NECAB1: variants seen among roughly 807,000 people sequenced by gnomAD.
NECAB1 encodes the protein N-terminal EF-hand calcium-binding protein 1.
Under a neutral mutation model 57.5 loss-of-function variants are expected in NECAB1, and 29 were observed. That is an observed-to-expected ratio of 0.50 (90% confidence interval 0.38 to 0.69). The LOEUF (loss-of-function observed/expected upper bound fraction) is 0.69, where lower values mean the gene tolerates loss of function less well. Ranked by LOEUF, NECAB1 falls within the 30% of genes least tolerant of loss-of-function variation. NECAB1 has a pLI of 0.00. For missense variants in NECAB1, 372 were observed against 413.8 expected (o/e 0.90, Z 0.88); for synonymous variants, 142 against 147.7 (o/e 0.96, Z 0.28).
chr8:90,892,266 G>GTT (rs35255444), intron 5 of NECAB1, among the ~76,000 whole-genome samples: 1 of 151,854 alleles, frequency 6.6e-6, no homozygotes, highest in African/African-American at 2.4e-5. Context: ...TAATACATAG[G>GTT]TTTTTTCTCT....
rs1187590269 is a variant in NECAB1 at position 90,917,531 on chromosome 8, A to G, written c.397A>G (p.Arg133Gly). ...EASNLEQFVT[R>G]FLLKETLNQL... Reference sequence around the variant, plus strand: ...CTCCAATTTGGAACAATTCGTAACTAGATTTTTATTGAAGGAAACCCTGAA... The same window carrying G: ...CTCCAATTTGGAACAATTCGTAACTGGATTTTTATTGAAGGAAACCCTGAA... The change falls in exon 6 of 13, where the codon AGA (arginine) becomes GGA (glycine). Residue 133 changes from arginine (R) to glycine (G), a missense_variant. Coordinates refer to ENST00000417640, the MANE Select transcript of NECAB1 (RefSeq NM_022351.5). 5 of 1,612,246 alleles carry G rather than the reference A, an allele frequency of 3.1e-6. No homozygotes were observed. The highest frequency in any genetic ancestry group is 2.2e-5 in the East Asian group (1 of 44,820).
chr8:90,857,151 A>G (rs1021738515), intron 3 of NECAB1, among the ~76,000 whole-genome samples: 5 of 152,162 alleles, frequency 3.3e-5, no homozygotes, highest in African/African-American at 1.2e-4. Flanking sequence ...GCTTTAGAAC[A>G]GGAAAGAAAG....
chr8:90,792,640 T>C (rs1811595308), intron 1 of NECAB1, among the ~76,000 whole-genome samples: 1 of 152,242 alleles, frequency 6.6e-6, no homozygotes, highest in Non-Finnish European at 1.5e-5. Flanking sequence ...ATTTTCCCTT[T>C]GGTCCAATTT....
intron 3 of NECAB1, among the ~76,000 whole-genome samples, chr8:90,826,967 C>G (rs1586043487): frequency 6.6e-6 from 1 of 151,742 alleles, no homozygotes; most frequent in Non-Finnish European, 1.5e-5. Flanking sequence ...TAATTTGGAG[C>G]TAAAGTGTAT....
intron 10 of NECAB1, among the ~76,000 whole-genome samples, chr8:90,948,743 G>C (rs1810862782): frequency 6.6e-6 from 1 of 151,890 alleles, no homozygotes; most frequent in African/African-American, 2.4e-5. Context: ...AATTAATTTG[G>C]GTCTTCATCA....
intron 4 of NECAB1, among the ~76,000 whole-genome samples, chr8:90,880,089 T>C (rs1367919840): frequency 6.6e-6 from 1 of 152,162 alleles, no homozygotes; most frequent in Admixed American, 6.5e-5. Context: ...TTTCCTAGAG[T>C]ATTAAATAAA....
chr8:90,919,434 A>C (rs1810052694), intron 6 of NECAB1, among the ~76,000 whole-genome samples: 1 of 152,172 alleles, frequency 6.6e-6, no homozygotes, highest in Non-Finnish European at 1.5e-5. Context: ...AAATAGTGGA[A>C]TTTTCAACCA....
intron 6 of NECAB1, among the ~76,000 whole-genome samples, chr8:90,923,407 C>T (rs570508267): frequency 7.9e-5 from 12 of 152,184 alleles, no homozygotes; most frequent in Non-Finnish European, 1.6e-4. Context: ...TTGGGGCGTG[C>T]TTCTTTGAGG....
intron 3 of NECAB1, among the ~76,000 whole-genome samples, chr8:90,862,411 T>C (rs1808419547): frequency 6.6e-6 from 1 of 152,100 alleles, no homozygotes; most frequent in Admixed American, 6.6e-5. Context: ...GTATTACCCA[T>C]TTAAACACAG....
chr8:90,821,039 T>C (rs1483992273), intron 2 of NECAB1, among the ~76,000 whole-genome samples: 1 of 151,874 alleles, frequency 6.6e-6, no homozygotes, highest in East Asian at 1.9e-4. Context: ...TTCTTCCTTG[T>C]TGTAGGCATT....
At chr8:90,947,784 T>A (rs1363333795) in intron 10 of NECAB1, among the ~76,000 whole-genome samples, 1 of 152,212 alleles carries the variant, frequency 6.6e-6, no homozygotes, top group Admixed American at 6.5e-5. Context: ...GGAATCAAGG[T>A]GGCACAGCTA....
intron 2 of NECAB1, 109 bp from the exon 3 acceptor site, chr8:90,824,608 G>T: frequency 9.2e-6 from 5 of 540,858 alleles, no homozygotes; most frequent in South Asian, 8.0e-5. Context: ...CTTTCTTTTT[G>T]AGTACACGTG....
chr8:90,820,473 T>C (rs954794264), intron 2 of NECAB1, among the ~76,000 whole-genome samples: 3 of 151,930 alleles, frequency 2.0e-5, no homozygotes, highest in African/African-American at 7.2e-5. Flanking sequence ...TTCATTTTGA[T>C]AAACTACAAT....
At chr8:90,798,940 C>T (rs574170317) in intron 1 of NECAB1, among the ~76,000 whole-genome samples, 10 of 152,280 alleles carry the variant, frequency 6.6e-5, no homozygotes, top group African/African-American at 2.4e-4. Context: ...TCCCTTTTCT[C>T]TGCAGCAGCT....
chr8:90,889,698 A>T (rs931436423), intron 5 of NECAB1, among the ~76,000 whole-genome samples: 1 of 152,220 alleles, frequency 6.6e-6, no homozygotes, highest in African/African-American at 2.4e-5. Flanking sequence ...GGGCCTCTCC[A>T]TAGGGCTGCT....
intron 5 of NECAB1, among the ~76,000 whole-genome samples, chr8:90,900,787 C>T (rs770940939): frequency 7.2e-5 from 11 of 152,194 alleles, no homozygotes; most frequent in South Asian, 2.1e-4. Flanking sequence ...GGTTTCATCA[C>T]GCTCTTATAC....
chr8:90,890,349 T>G (rs952742520), intron 5 of NECAB1, among the ~76,000 whole-genome samples: 1 of 152,222 alleles, frequency 6.6e-6, no homozygotes, highest in African/African-American at 2.4e-5. Flanking sequence ...AGAAGGTGCC[T>G]GATTGTCCTT....
intron 3 of NECAB1, among the ~76,000 whole-genome samples, chr8:90,837,827 T>G (rs770863684): frequency 1.3e-5 from 2 of 152,262 alleles, no homozygotes; most frequent in Non-Finnish European, 2.9e-5. Flanking sequence ...CAGACTTGTT[T>G]AAATTAGAAT....
intron 8 of NECAB1, 41 bp from the exon 9 acceptor site, chr8:90,934,263 T>C (rs766504122): frequency 2.4e-5 from 34 of 1,390,486 alleles, no homozygotes; most frequent in Non-Finnish European, 3.1e-5. Flanking sequence ...TTAAATGATA[T>C]AATTTTTTTT....
Sources: allele counts gnomAD v4.1 joint callset (sites outside exome capture counted in the v4.1 genomes callset), GRCh38; gene constraint gnomAD v4.1.1; transcripts MANE v1.5; gene names NCBI Gene and HGNC (gene_info 2026-07-23, HGNC 2026-07-21).